Variants in SIGLEC1 observed in about 807,000 individuals in gnomAD.
SIGLEC1 encodes the protein sialoadhesin.
In SIGLEC1, 132 loss-of-function variants were observed where a neutral mutation model predicts 148.0. That is an observed-to-expected ratio of 0.89 (90% confidence interval 0.77 to 1.03). The LOEUF (loss-of-function observed/expected upper bound fraction) is 1.03. Among genes scored for constraint, SIGLEC1 ranks in the 50% least tolerant of loss-of-function variants. The pLI, the probability that SIGLEC1 is intolerant of heterozygous loss-of-function variation, is 0.00. For synonymous variants in SIGLEC1, 945 were observed against 969.0 expected, an observed-to-expected ratio of 0.98 and a Z score of 0.46; for missense variants, 2,253 against 2,271.4, an observed-to-expected ratio of 0.99 and a Z score of 0.16.
chr20:3,695,733 C>T (rs969858631), intron 11 of SIGLEC1, among the ~76,000 whole-genome samples: 7 of 152,136 alleles, frequency 4.6e-5, no homozygotes, highest in African/African-American at 9.7e-5. Flanking sequence ...TGTCGGTCAC[C>T]GTGGTGGAAG....
In SIGLEC1 at chr20:3,692,969, A is replaced by G. The variant is rs2088780832; in HGVS notation, c.3671T>C (p.Leu1224Pro). Residue 1224 changes from leucine (L) to proline (P), a missense_variant, in exon 15 of 22, where the codon CTG becomes CCG. Transcript: ENST00000344754. ...SSTAASVPNTLRLELRGPQPR... is the reference protein window; with the variant it reads ...SSTAASVPNTPRLELRGPQPR... ...CTGTGGCCCTCGCAGCTCCAGGCGC[A>G]GGGTGTTGGGGACAGAGGCTGCTGT... The G allele has an allele frequency of 6.2e-7, 1 of 1,612,580 alleles. No homozygotes were observed. Among genetic ancestry groups the G allele is most frequent in the Non-Finnish European group, 8.5e-7 (1 of 1,179,858 alleles).
rs764688772 is a variant in SIGLEC1 at position 3,696,790 on chromosome 20, G to A, written c.2479C>T (p.Leu827=). Residue 827 remains leucine (L), a synonymous_variant, in exon 11 of 22, where the codon CTG becomes TTG. Coordinates refer to ENST00000344754, the MANE Select transcript of SIGLEC1 (RefSeq NM_023068.4). Reference sequence around the variant, plus strand: ...AGGTGCTCCCCATGGAACAAGGCCAGCAAGGCCAGGGGGCGGCTGTCCACA... The same window carrying A: ...AGGTGCTCCCCATGGAACAAGGCCAACAAGGCCAGGGGGCGGCTGTCCACA... ...CTVDSRPLAL[L]ALFHGEHLLA... The A allele has an allele frequency of 1.4e-5, 22 of 1,612,542 alleles. No homozygotes were observed. Among genetic ancestry groups the A allele is most frequent in the Non-Finnish European group, 1.8e-5 (21 of 1,179,644 alleles).
intron 13 of SIGLEC1, 51 bp from the exon 14 acceptor site, chr20:3,693,749 C>G: frequency 6.6e-7 from 1 of 1,510,042 alleles, no homozygotes; most frequent in Non-Finnish European, 8.9e-7. Flanking sequence ...AGGCTGTGTA[C>G]AGCAGGCCAC....
chr20:3,694,127 C>T (rs2088795059), intron 13 of SIGLEC1, 94 bp downstream of exon 13: 4 of 1,342,092 alleles, frequency 3.0e-6, no homozygotes, highest in Admixed American at 4.6e-5. Context: ...TATTCCCGTG[C>T]CCCCAGGCTT....
chr20:3,694,089 C>G, intron 13 of SIGLEC1, 132 bp downstream of exon 13: 1 of 1,010,036 alleles, frequency 9.9e-7, no homozygotes, highest in Non-Finnish European at 1.4e-6. Context: ...TGGAGTCCAC[C>G]ATCGTTAGGA....
chr20:3,694,415 T>A lies in SIGLEC1; in HGVS notation c.3062A>T (p.Asp1021Val). 1.2e-6 allele frequency: 2 copies of A among 1,612,694 alleles called. No homozygotes were observed. Among genetic ancestry groups the A allele is most frequent in the Non-Finnish European group, 1.7e-6 (2 of 1,179,526 alleles). The stretch of plus-strand genomic sequence containing the variant: ...TTGTAGGGTGGAGGCCACAAGGCGA[T>A]CCCCGTGGAGCAGCCGCAGCTGGGC... ...PPAQLRLLHG[D>V]RLVASTLQGV... is the part of the protein sequence containing the mutation. The change falls in exon 13 of 22, where the codon GAT becomes GTT. Residue 1021 changes from aspartate (D) to valine (V), a missense_variant. Transcript: ENST00000344754.
At chr20:3,712,356 C>A (rs2087933292) in intron 1 of SIGLEC1, among the ~76,000 whole-genome samples, 114 bp downstream of exon 1, 1 of 133,720 alleles carries the variant, frequency 7.5e-6, no homozygotes, top group African/African-American at 2.6e-5. Flanking sequence ...CCACTCGCAC[C>A]CAGATGGAGC....
At chr20:3,695,060 G>A in intron 11 of SIGLEC1, 137 bp from the exon 12 acceptor site, 2 of 866,022 alleles carry the variant, frequency 2.3e-6, no homozygotes, top group Non-Finnish European at 3.5e-6. Context: ...CCACCGCCAG[G>A]GCCCACTCAG....
chr20:3,691,613 G>T lies in SIGLEC1; in HGVS notation c.4331-13C>A. ...ACCACGCGTGCACCTGCGGGCGGAGGATAGAGAGATGATTGGGGATCTGTA... is the reference window on the plus strand; with the variant it reads ...ACCACGCGTGCACCTGCGGGCGGAGTATAGAGAGATGATTGGGGATCTGTA... On this transcript the variant is annotated splice_polypyrimidine_tract_variant and intron_variant, in intron 17 of 21. Transcript: ENST00000344754. The T allele has an allele frequency of 1.2e-6, 2 of 1,607,994 alleles. No individual in the cohort carries two copies. Among genetic ancestry groups the T allele is most frequent in the Non-Finnish European group, 1.7e-6 (2 of 1,177,204 alleles).
intron 14 of SIGLEC1, 97 bp from the exon 15 acceptor site, chr20:3,693,228 C>T: frequency 7.3e-7 from 1 of 1,378,360 alleles, no homozygotes; most frequent in Non-Finnish European, 9.7e-7. Context: ...CCTGGCTCCC[C>T]ACCCCTATGG....
intron 2 of SIGLEC1, 122 bp downstream of exon 2, chr20:3,706,958 C>T (rs996665508): frequency 1.1e-5 from 13 of 1,182,346 alleles, no homozygotes; most frequent in South Asian, 6.3e-5. Context: ...GGCCACTGCC[C>T]GATTGGGCCC....
In SIGLEC1 at chr20:3,698,060, G is replaced by A. The variant is rs140518155; in HGVS notation, c.1860C>T (p.Gly620=). 1.3e-5 allele frequency: 21 copies of A among 1,607,382 alleles called. No homozygotes were observed. In the African/African-American group the frequency reaches 2.5e-4, roughly 19 times the overall value. ...CGCTGTCCACACGGCACAAAAGGAG[G>A]CCTCGCCGTCCAGCCCCGGCCCCAG... The part of the protein sequence containing the change: ...DAAGAGAGRR[G]LLLCRVDSDP... The change falls in exon 9 of 22, where the codon GGC becomes GGT. Residue 620 remains glycine, a synonymous_variant. Transcript: ENST00000344754.
At chr20:3,700,863 G>A (rs963157221) in intron 7 of SIGLEC1, among the ~76,000 whole-genome samples, 3 of 151,882 alleles carry the variant, frequency 2.0e-5, no homozygotes, top group Admixed American at 6.6e-5. Flanking sequence ...ACCATGCCCA[G>A]CTAATTTTTG....
intron 1 of SIGLEC1, among the ~76,000 whole-genome samples, chr20:3,711,668 C>A (rs936322574): frequency 6.6e-6 from 1 of 152,216 alleles, no homozygotes; most frequent in African/African-American, 2.4e-5. Context: ...AATCCCCAAT[C>A]ACAGGCCAAA....
At position 3,692,972 on chromosome 20, in the gene SIGLEC1, G is replaced by C; in HGVS notation, c.3668C>G (p.Thr1223Ser). Residue 1223 changes from threonine (T) to serine (S), a missense_variant, in exon 15 of 22, where the codon ACC becomes AGC. Transcript: ENST00000344754. ...TGGCCCTCGCAGCTCCAGGCGCAGG[G>C]TGTTGGGGACAGAGGCTGCTGTCGA... ...ASSTAASVPN[T>S]LRLELRGPQP... 6.2e-7 allele frequency: 1 copy of C among 1,612,610 alleles called. No homozygotes were observed. Among genetic ancestry groups the C allele is most frequent in the Non-Finnish European group, 8.5e-7 (1 of 1,179,886 alleles).
In SIGLEC1 at chr20:3,691,918, G is replaced by A. The variant is rs541987684; in HGVS notation, c.4315C>T (p.Arg1439Trp). 3.4e-5 allele frequency: 53 copies of A among 1,579,344 alleles called. 1 individual carries two copies. The South Asian group carries it at 4.0e-4, about 12-fold the overall frequency. ...TTCCACTCACCTTCTACCTGCAACC[G>A]CCCGATGGTGCTGATTGAGCCCAGC... ...NLLGSISTIG[R>W]LQVEGARVVA... Residue 1439 changes from arginine (R) to tryptophan (W), a missense_variant, in exon 17 of 22, where the codon CGG becomes TGG. By Grantham distance (101) the Arg-to-Trp change is moderately radical. Transcript: ENST00000344754.
intron 14 of SIGLEC1, 84 bp from the exon 15 acceptor site, chr20:3,693,215 G>A (rs2088784110): frequency 7.0e-7 from 1 of 1,438,048 alleles, no homozygotes; most frequent in Non-Finnish European, 9.2e-7. Flanking sequence ...AACTCAGGAG[G>A]GCCCTGGCTC....
rs2087888520 is a variant in SIGLEC1 at position 3,705,848 on chromosome 20, G to T, written c.602C>A (p.Thr201Asn). The T allele has an allele frequency of 6.2e-7, 1 of 1,614,034 alleles. No individual in the cohort carries two copies. ...CTGCCAGGACATGGCCATGTGGAGG[G>T]TCTCCAGGTGGCCGACGCCGGTGGG... ...FEPTGVGHLE[T>N]LHMAMSWQDH... Residue 201 changes from threonine to asparagine, a missense_variant, in exon 4 of 22, where the codon ACC (threonine) becomes AAC (asparagine). By Grantham distance (65) the Thr-to-Asn change is moderately conservative. Coordinates refer to ENST00000344754, the MANE Select transcript of SIGLEC1 (RefSeq NM_023068.4).
At chr20:3,693,425 C>G (rs1396501044) in intron 14 of SIGLEC1, 22 bp downstream of exon 14, 1 of 1,547,552 alleles carries the variant, frequency 6.5e-7, no homozygotes, top group Non-Finnish European at 8.7e-7. Context: ...GTGAGTCCCA[C>G]CCTGCATCCA....
Sources: gnomAD v4.1 joint callset for allele counts (sites outside exome capture counted in the v4.1 genomes callset) on GRCh38, gnomAD v4.1.1 for gene constraint, MANE v1.5 for transcripts, NCBI Gene and HGNC (gene_info 2026-07-23, HGNC 2026-07-21) for gene names.